The following TAF4B variants were observed in gnomAD, a reference collection of about 807,000 sequenced individuals.
TAF4B encodes TATA-box binding protein associated factor 4b.
TAF4B carries 38 observed loss-of-function variants against 86.4 expected under a neutral mutation model. That is an observed-to-expected ratio of 0.44 (90% CI 0.34 to 0.58). The LOEUF (loss-of-function observed/expected upper bound fraction) is 0.58, where lower values mean the gene tolerates loss of function less well. Among genes scored for constraint, TAF4B ranks in the 20% least tolerant of loss-of-function variants. TAF4B has a pLI of 0.02. For missense variants in TAF4B, 988 were observed against 1,027.6 expected (o/e 0.96, Z 0.53); for synonymous variants, 388 against 391.2 (o/e 0.99, Z 0.10).
chr18:26,348,777 A>G (rs2057221090), intron 13 of TAF4B: 2 of 154,328 alleles, frequency 1.3e-5, no homozygotes, highest in African/African-American at 2.4e-5. Flanking sequence ...CTGAAGAGAA[A>G]CCTTACAACT....
intron 13 of TAF4B, among the ~76,000 whole-genome samples, chr18:26,336,277 C>G (rs1018807870): frequency 6.6e-6 from 1 of 152,220 alleles, no homozygotes; most frequent in Non-Finnish European, 1.5e-5. Flanking sequence ...TTTCCCTTAA[C>G]TGTGCCTCTT....
chr18:26,241,351 G>C (rs1267742278), intron 1 of TAF4B, among the ~76,000 whole-genome samples: 3 of 152,178 alleles, frequency 2.0e-5, no homozygotes, highest in African/African-American at 7.2e-5. Context: ...ATTTCTTCTA[G>C]ATTTTTTAGT....
Position 26,346,807 on chromosome 18 carries a change from A to G in TAF4B, c.2317-10883A>G, listed in dbSNP as rs1239510095. On this transcript the variant is annotated intron_variant, in intron 13 of 14. Coordinates refer to ENST00000269142, the MANE Select transcript of TAF4B (RefSeq NM_005640.3). ...TATATATATATATATATGTGTATAT[A>G]TATATATATGTGTGTGTATATATAT... Among the ~76,000 whole-genome samples, 5 of 31,460 alleles carry G rather than the reference A, an allele frequency of 1.6e-4. 1 individual carries two copies. Among genetic ancestry groups the G allele is most frequent in the East Asian group, 4.2e-3 (2 of 472 alleles). 20.6% of individuals were successfully genotyped at this position (31,460 alleles called of 152,430 possible). A position where few individuals can be genotyped will look rare whatever the true frequency, so the allele number is the denominator to read the frequency against.
At chr18:26,227,896 G>C (rs764602467) in intron 1 of TAF4B, among the ~76,000 whole-genome samples, 15 of 152,320 alleles carry the variant, frequency 9.8e-5, no homozygotes, top group Middle Eastern at 6.8e-3. Context: ...CTGCTTTCTA[G>C]TACCAAGTAC....
At chr18:26,313,715 C>T (rs1421412422) in intron 9 of TAF4B, among the ~76,000 whole-genome samples, 2 of 151,672 alleles carry the variant, frequency 1.3e-5, no homozygotes, top group Admixed American at 1.3e-4. Flanking sequence ...ACCCAGGCTA[C>T]AGTGCAGTGG....
chr18:26,338,416 T>C (rs1315583606), intron 13 of TAF4B, among the ~76,000 whole-genome samples: 1 of 147,844 alleles, frequency 6.8e-6, no homozygotes, highest in Admixed American at 6.7e-5. Context: ...GCCACTGGAC[T>C]GACTCCAGCC....
At chr18:26,285,261 C>A (rs1243698835) in intron 6 of TAF4B, among the ~76,000 whole-genome samples, 1 of 41,294 alleles carries the variant, frequency 2.4e-5, no homozygotes, top group African/African-American at 4.3e-5. Context: ...GCTCTGTCAC[C>A]CAGGCTAGAA....
At chr18:26,331,746 C>T (rs767054865) in intron 12 of TAF4B, among the ~76,000 whole-genome samples, 2 of 152,170 alleles carry the variant, frequency 1.3e-5, no homozygotes, top group Non-Finnish European at 2.9e-5. Flanking sequence ...TGTCATTACT[C>T]TAGTCTAATT....
At position 26,315,155 on chromosome 18, in the gene TAF4B, T is replaced by TCA. The variant is rs1484111730; in HGVS notation, c.1833-73_1833-72insAC. On this transcript the variant is annotated intron_variant, in intron 9 of 14. Transcript: ENST00000269142. The stretch of plus-strand genomic sequence containing the variant: ...CTCTCTCTCTCTCTCTGTCTCTCTC[T>TCA]CTCTCTCACACACACACACACACAC... 14 of 465,878 alleles carry TCA rather than the reference T, an allele frequency of 3.0e-5. No homozygotes were observed. In the African/African-American group the frequency reaches 3.6e-4, roughly 12 times the overall value. The allele number at this position is 465,878 out of a possible 1,614,324, so 28.9% of individuals were successfully genotyped here.
intron 1 of TAF4B, among the ~76,000 whole-genome samples, chr18:26,260,768 CAG>C (rs1286511672): frequency 6.6e-6 from 1 of 152,178 alleles, no homozygotes; most frequent in Non-Finnish European, 1.5e-5. Flanking sequence ...ACTGTAATGA[CAG>C]AAGTTCCGTT....
In TAF4B at chr18:26,335,167, T is replaced by G; in HGVS notation, c.2260-8T>G. The G allele has an allele frequency of 6.2e-7, 1 of 1,609,672 alleles. No individual in the cohort carries two copies. The highest frequency in any genetic ancestry group is 8.5e-7 in the Non-Finnish European group (1 of 1,176,554). ...AATTTCTATTAAAATTTTCTTTTCC[T>G]TTGATAGAGTCGTTCTAATAAAGAA... On this transcript the variant is annotated splice_polypyrimidine_tract_variant and splice_region_variant and intron_variant, in intron 12 of 14. Transcript: ENST00000269142.
chr18:26,289,136 G>A (rs2056561601), intron 7 of TAF4B, among the ~76,000 whole-genome samples: 1 of 150,986 alleles, frequency 6.6e-6, no homozygotes, highest in East Asian at 2.0e-4. Flanking sequence ...TTGAACTAGG[G>A]CATTCTTTCA....
At chr18:26,359,451 G>A (rs947205621) in intron 14 of TAF4B, among the ~76,000 whole-genome samples, 4 of 152,196 alleles carry the variant, frequency 2.6e-5, no homozygotes, top group Admixed American at 6.5e-5. Flanking sequence ...CAAAGGCGGA[G>A]AGAGCAGTAT....
At chr18:26,253,197 A>G (rs1448750691) in intron 1 of TAF4B, among the ~76,000 whole-genome samples, 2 of 152,240 alleles carry the variant, frequency 1.3e-5, no homozygotes, top group Non-Finnish European at 2.9e-5. Flanking sequence ...CACCAAAAGT[A>G]TGATGTTATC....
chr18:26,300,783 G>A (rs1290821165), intron 9 of TAF4B, among the ~76,000 whole-genome samples: 1 of 151,716 alleles, frequency 6.6e-6, no homozygotes, highest in Non-Finnish European at 1.5e-5. Flanking sequence ...CTATACCCTG[G>A]GCTTTTTTTT....
intron 6 of TAF4B, among the ~76,000 whole-genome samples, chr18:26,282,305 G>C (rs1478871173): frequency 6.6e-6 from 1 of 152,106 alleles, no homozygotes; most frequent in African/African-American, 2.4e-5. Flanking sequence ...TTTAATACTT[G>C]TATGAGAATA....
chr18:26,359,692 C>G (rs547002370), intron 14 of TAF4B, among the ~76,000 whole-genome samples: 1 of 152,104 alleles, frequency 6.6e-6, no homozygotes. Flanking sequence ...CCTGCTCCAG[C>G]GACCGTCAAT....
At chr18:26,354,208 G>A (rs937983515) in intron 13 of TAF4B, among the ~76,000 whole-genome samples, 1 of 152,174 alleles carries the variant, frequency 6.6e-6, no homozygotes, top group Non-Finnish European at 1.5e-5. Flanking sequence ...CCAAGTAGCT[G>A]GGATTACAGG....
intron 3 of TAF4B, among the ~76,000 whole-genome samples, chr18:26,269,904 C>T (rs1199657132): frequency 6.6e-6 from 1 of 151,912 alleles, no homozygotes; most frequent in African/African-American, 2.4e-5. Context: ...TATTTTTTTC[C>T]TTAGGATAAA....
Sources: gnomAD v4.1 joint callset for allele counts (sites outside exome capture counted in the v4.1 genomes callset) on GRCh38, gnomAD v4.1.1 for gene constraint, MANE v1.5 for transcripts, NCBI Gene and HGNC (gene_info 2026-07-23, HGNC 2026-07-21) for gene names.